The following TUT7 variants were observed in gnomAD, a reference collection of about 807,000 sequenced individuals.
The protein encoded by TUT7 is terminal uridylyl transferase 7, also known as terminal uridylyltransferase 7.
TUT7 carries 33 observed loss-of-function variants against 165.9 expected under a neutral mutation model. The observed-to-expected ratio is 0.20, with a 90% CI of 0.15 to 0.27. The LOEUF is 0.27. Ranked by LOEUF, TUT7 falls within the 10% of genes least tolerant of loss-of-function variation. TUT7 has a pLI of 1.00. For synonymous variants in TUT7, 552 were observed against 608.1 expected (o/e 0.91, Z 1.36); for missense variants, 1,338 against 1,762.3 (o/e 0.76, Z 4.31).
At chr9:86,304,108 G>C (rs543496991) in intron 24 of TUT7, among the ~76,000 whole-genome samples, 1 of 150,516 alleles carries the variant, frequency 6.6e-6, no homozygotes, top group South Asian at 2.1e-4. Context: ...ATAACTAAGA[G>C]TAAATCTCAA....
At position 86,317,210 on chromosome 9, in the gene TUT7, C is replaced by T. The variant is rs752343641; in HGVS notation, c.3274+9G>A. On this transcript the variant is annotated intron_variant, in intron 17 of 26. Coordinates refer to ENST00000375963, the MANE Select transcript of TUT7 (RefSeq NM_024617.4). ...CAGAAATATTTTTAGAAAAAGTTTACAGAGGTACCTGAATGTTTTCTGAGG... is the reference window on the plus strand; with the variant it reads ...CAGAAATATTTTTAGAAAAAGTTTATAGAGGTACCTGAATGTTTTCTGAGG... The T allele has an allele frequency of 3.7e-6, 6 of 1,611,308 alleles. No individual in the cohort carries two copies. The African/African-American group carries it at 8.0e-5, about 22-fold the overall frequency.
intron 18 of TUT7, among the ~76,000 whole-genome samples, 176 bp from the exon 19 acceptor site, chr9:86,310,193 A>G (rs1827907762): frequency 6.6e-6 from 1 of 152,010 alleles, no homozygotes; most frequent in South Asian, 2.1e-4. Flanking sequence ...TGCTGGGATT[A>G]CAAGCATGAG....
intron 11 of TUT7, 92 bp from the exon 12 acceptor site, chr9:86,325,606 C>G (rs1257997462): frequency 1.7e-6 from 2 of 1,197,152 alleles, no homozygotes; most frequent in Admixed American, 2.5e-5. Flanking sequence ...TTAAAAAAAT[C>G]TGGAAAACCT....
rs7859566 is a variant in TUT7 at position 86,311,812 on chromosome 9, G to C, written c.3275-1003C>G. ...TTTTCGTATTTTTTTGGTGGAGACG[G>C]GGTTTCGCTGTGTTGGCCGGGCTGG... On this transcript the variant is annotated intron_variant, in intron 17 of 26. Coordinates refer to ENST00000375963, the MANE Select transcript of TUT7 (RefSeq NM_024617.4). The surrounding 1 kb of genome is among the most constrained non-coding windows in gnomAD (Gnocchi z 4.4). Among the ~76,000 whole-genome samples the C allele has an allele frequency of 0.44, 67,291 of 151,952 alleles. 15,092 individuals carry two copies. Among genetic ancestry groups the C allele is most frequent in the Middle Eastern group, 0.6 (175 of 294 alleles).
chr9:86,332,332 T>G (rs141548266), intron 10 of TUT7, among the ~76,000 whole-genome samples: 1,870 of 151,560 alleles, frequency 0.012, 18 homozygotes, highest in Middle Eastern at 0.031. Context: ...ATATGGTACA[T>G]ATACACCGTG....
chr9:86,324,111 G>A (rs1277878887), intron 12 of TUT7, 151 bp from the exon 13 acceptor site: 1 of 720,456 alleles, frequency 1.4e-6, no homozygotes, highest in Non-Finnish European at 2.1e-6. Flanking sequence ...AAAACTGGGG[G>A]TGGGGAGTAA....
Position 86,288,686 on chromosome 9 carries a change from C to G in TUT7, c.4479G>C (p.Gln1493His), listed in dbSNP as rs1292829979. The change falls in exon 27 of 27, where the codon CAG (glutamine) becomes CAC (histidine). Residue 1493 changes from glutamine (Q) to histidine (H), a missense_variant. Transcript: ENST00000375963. Reference sequence around the variant, plus strand: ...CTGCATTTTCCTTCCCTCATGATTCCTGCTGGGTCCTCTTCGCTGAGGCTT... The same window carrying G: ...CTGCATTTTCCTTCCCTCATGATTCGTGCTGGGTCCTCTTCGCTGAGGCTT... ...QGKASAKRTQ[Q>H]ES 2 of 1,613,724 alleles carry G rather than the reference C, an allele frequency of 1.2e-6. No homozygotes were observed. Among genetic ancestry groups the G allele is most frequent in the Non-Finnish European group, 1.7e-6 (2 of 1,179,798 alleles).
intron 21 of TUT7, among the ~76,000 whole-genome samples, chr9:86,308,830 A>G (rs1564039805): frequency 6.6e-6 from 1 of 152,238 alleles, no homozygotes; most frequent in Non-Finnish European, 1.5e-5. Flanking sequence ...CAAGTCTCAG[A>G]ACATATTAGT....
chr9:86,336,230 G>C (rs148212847), intron 10 of TUT7, among the ~76,000 whole-genome samples: 25 of 152,272 alleles, frequency 1.6e-4, no homozygotes, highest in African/African-American at 5.5e-4. Flanking sequence ...AGATCAAGGT[G>C]AAAGGAAAAC....
chr9:86,345,335 T>C (rs1006545981), intron 4 of TUT7, among the ~76,000 whole-genome samples, 181 bp from the exon 5 acceptor site: 1 of 152,138 alleles, frequency 6.6e-6, no homozygotes, highest in Admixed American at 6.5e-5. Context: ...TGTGGATCAG[T>C]GGTAACAGAG....
rs1161685629 is a variant in TUT7 at position 86,311,763 on chromosome 9, G to A, written c.3275-954C>T. On this transcript the variant is annotated intron_variant, in intron 17 of 26. Transcript: ENST00000375963. This position sits in a 1 kb window ranked among gnomAD's most constrained non-coding sequence, Gnocchi z 4.4. Reference sequence around the variant, plus strand: ...GCCTGCCGAGTGCCTGCGATTGCAGGTGCGCGCCGCCACGCCTGACTGGTT... The same window carrying A: ...GCCTGCCGAGTGCCTGCGATTGCAGATGCGCGCCGCCACGCCTGACTGGTT... Among the ~76,000 whole-genome samples the A allele has an allele frequency of 2.0e-5, 3 of 151,918 alleles. No homozygotes were observed. Among genetic ancestry groups the A allele is most frequent in the African/African-American group, 4.8e-5 (2 of 41,314 alleles).
At chr9:86,312,053 AGT>A (rs1416148015) in intron 17 of TUT7, among the ~76,000 whole-genome samples, 2 of 151,842 alleles carry the variant, frequency 1.3e-5, no homozygotes, top group African/African-American at 4.8e-5. Flanking sequence ...CCGTCTGGGA[AGT>A]GAGGAGCATC....
chr9:86,325,490 G>A lies in TUT7; in HGVS notation c.1633C>T (p.His545Tyr). The change falls in exon 12 of 27, where the codon CAC becomes TAC. Residue 545 changes from histidine (H) to tyrosine (Y), a missense_variant. Physicochemically the swap from His to Tyr is moderately conservative, Grantham distance 83. Coordinates refer to ENST00000375963, the MANE Select transcript of TUT7 (RefSeq NM_024617.4). ...GQVSLILDVK[H>Y]QPSVPVGQLW... ...TGCCCAACTGGTACTGAAGGCTGGT[G>A]TTTCACATCCAATATTAATGACACC... is the stretch of plus-strand genomic sequence containing the variant. The A allele has an allele frequency of 4.3e-6, 7 of 1,613,672 alleles. No individual in the cohort carries two copies. The highest frequency in any genetic ancestry group is 5.9e-6 in the Non-Finnish European group (7 of 1,179,800).
intron 26 of TUT7, among the ~76,000 whole-genome samples, chr9:86,300,436 AC>A (rs913849941): frequency 8.5e-5 from 13 of 152,328 alleles, no homozygotes; most frequent in Admixed American, 5.2e-4. Flanking sequence ...AGGATTGACT[AC>A]TTTAATTAGA....
rs1485359572 is a variant in TUT7 at position 86,304,732 on chromosome 9, CAATAGTCATT to C, written c.3978+114_3978+123del. 7.2e-4 allele frequency: 461 copies of C among 640,156 alleles called. 1 individual carries two copies. Among genetic ancestry groups the C allele is most frequent in the Non-Finnish European group, 4.1e-4 (153 of 370,834 alleles). 39.7% of individuals were successfully genotyped at this position (640,156 alleles called of 1,614,324 possible). ...GGGGGGCTCTGGGAATCATTCTGTA[CAATAGTCATT>C]TACTTTGGCTAGACTCACAGACTTT... On this transcript the variant is annotated intron_variant, in intron 24 of 26. Transcript: ENST00000375963.
At chr9:86,315,075 C>G (rs1828573949) in intron 17 of TUT7, among the ~76,000 whole-genome samples, 1 of 152,186 alleles carries the variant, frequency 6.6e-6, no homozygotes, top group Non-Finnish European at 1.5e-5. Context: ...GATTACCTTA[C>G]CTCTTAAGAT....
In TUT7 at chr9:86,325,380, T is replaced by C. The variant is rs1307394773; in HGVS notation, c.1743A>G (p.Val581=). ...TGGGCCAATCCTTCAATTCCCGAGATACCAATTCTTTGACACGAATACTTA... is the reference window on the plus strand; with the variant it reads ...TGGGCCAATCCTTCAATTCCCGAGACACCAATTCTTTGACACGAATACTTA... ...LVISIRVKEL[V]SRELKDWPKK... Residue 581 remains valine, a synonymous_variant, in exon 12 of 27, where the codon GTA becomes GTG. Coordinates refer to ENST00000375963, the MANE Select transcript of TUT7 (RefSeq NM_024617.4). 1.2e-6 allele frequency: 2 copies of C among 1,614,102 alleles called. No homozygotes were observed. The highest frequency in any genetic ancestry group is 1.7e-5 in the Admixed American group (1 of 60,010).
intron 22 of TUT7, among the ~76,000 whole-genome samples, chr9:86,307,199 G>A (rs1383085068): frequency 2.0e-5 from 3 of 152,070 alleles, no homozygotes; most frequent in African/African-American, 4.8e-5. Context: ...ACTTGAACCC[G>A]GGAGGTGGAG....
intron 26 of TUT7, among the ~76,000 whole-genome samples, chr9:86,292,607 T>TAAA (rs756543899): frequency 4.3e-4 from 56 of 129,858 alleles, no homozygotes; most frequent in African/African-American, 1.6e-3. Context: ...GGTCTTTTAT[T>TAAA]AAAAAAAAAA....
Sources: gnomAD v4.1 joint callset for allele counts (sites outside exome capture counted in the v4.1 genomes callset) on GRCh38, gnomAD v4.1.1 for gene constraint, Gnocchi (gnomAD v3.1) non-coding constraint, MANE v1.5 for transcripts, NCBI Gene and HGNC (gene_info 2026-07-23, HGNC 2026-07-21) for gene names.